Variants in MIS18BP1 observed in about 807,000 individuals in gnomAD.
The protein encoded by MIS18BP1 is mis18-binding protein 1.
MIS18BP1 carries 72 observed loss-of-function variants against 116.1 expected under a neutral mutation model. The ratio of observed to expected loss-of-function variants is 0.62; its 90% CI spans 0.51 to 0.75. MIS18BP1 has a LOEUF of 0.75. Ranked by LOEUF, MIS18BP1 falls within the 30% of genes least tolerant of loss-of-function variation. The pLI, the probability that MIS18BP1 is intolerant of heterozygous loss-of-function variation, is 0.00. For missense variants in MIS18BP1, 1,363 were observed against 1,303.2 expected, an observed-to-expected ratio of 1.05 and a Z score of -0.71; for synonymous variants, 386 against 427.0, an observed-to-expected ratio of 0.90 and a Z score of 1.18.
At chr14:45,220,891 T>C (rs1344649776) in intron 11 of MIS18BP1, among the ~76,000 whole-genome samples, 1 of 152,142 alleles carries the variant, frequency 6.6e-6, no homozygotes, top group East Asian at 1.9e-4. Context: ...TCCTAGCATT[T>C]TGGGAGGCCA....
chr14:45,249,317 C>A (rs369275676), intron 1 of MIS18BP1, among the ~76,000 whole-genome samples: 70 of 152,202 alleles, frequency 4.6e-4, no homozygotes, highest in African/African-American at 1.5e-3. Flanking sequence ...GTCTCCTGAC[C>A]TCAGGTGATC....
chr14:45,242,101 C>T lies in MIS18BP1; in HGVS notation c.1076G>A (p.Arg359Lys). Residue 359 changes from arginine (R) to lysine (K), a missense_variant, in exon 4 of 17, where the codon AGA becomes AAA. By Grantham distance (26) the Arg-to-Lys change is conservative. Transcript: ENST00000310806. The part of the protein sequence containing the change: ...LHITIPRRSK[R>K]NISKLSPPRI... ...TGGAGGAGAAAGCTTTGAAATATTT[C>T]TTTTTGACCTCCGAGGTATTGTTAT... 1 of 1,613,704 alleles carries T rather than the reference C, an allele frequency of 6.2e-7. No homozygotes were observed. Among genetic ancestry groups the T allele is most frequent in the South Asian group, 1.1e-5 (1 of 90,996 alleles).
intron 14 of MIS18BP1, among the ~76,000 whole-genome samples, chr14:45,208,431 C>T (rs1890583729): frequency 6.8e-6 from 1 of 147,868 alleles, no homozygotes; most frequent in South Asian, 2.2e-4. Context: ...CTCCCGGGTT[C>T]AGGTGATTCT....
intron 11 of MIS18BP1, among the ~76,000 whole-genome samples, chr14:45,221,345 G>A (rs1471645982): frequency 6.6e-6 from 1 of 152,132 alleles, no homozygotes; most frequent in African/African-American, 2.4e-5. Flanking sequence ...GCTGAGGCAG[G>A]AGAATGGTGT....
intron 13 of MIS18BP1, among the ~76,000 whole-genome samples, chr14:45,215,031 G>A (rs1335290020): frequency 6.6e-6 from 1 of 152,210 alleles, no homozygotes; most frequent in East Asian, 1.9e-4. Flanking sequence ...GATTACAGGC[G>A]TGAGCCACCA....
intron 14 of MIS18BP1, chr14:45,210,157 G>C: frequency 2.7e-6 from 1 of 365,496 alleles, no homozygotes. Flanking sequence ...GATCCATTTC[G>C]AATTGATCCA....
rs139978957 is a variant in MIS18BP1, at chr14:45,210,349, G to T, written c.3152+31C>A. On this transcript the variant is annotated intron_variant, in intron 14 of 16. Coordinates refer to ENST00000310806, the MANE Select transcript of MIS18BP1 (RefSeq NM_018353.5). Reference sequence around the variant, plus strand: ...ATGTTCCTCACTACTCTGATGCAGAGAATTAACATATCATATGCATGAATA... The same window carrying T: ...ATGTTCCTCACTACTCTGATGCAGATAATTAACATATCATATGCATGAATA... 3.9e-4 allele frequency: 619 copies of T among 1,603,920 alleles called. 5 individuals carry two copies. In the East Asian group the frequency reaches 0.011, roughly 29 times the overall value.
chr14:45,251,620 A>T (rs991239680), intron 1 of MIS18BP1, among the ~76,000 whole-genome samples: 16 of 152,238 alleles, frequency 1.1e-4, no homozygotes, highest in African/African-American at 2.9e-4. Flanking sequence ...TAACAGGCAA[A>T]TGATACACTT....
At chr14:45,245,642 G>T (rs1891703412) in intron 2 of MIS18BP1, among the ~76,000 whole-genome samples, 1 of 152,090 alleles carries the variant, frequency 6.6e-6, no homozygotes, top group South Asian at 2.1e-4. Context: ...GGGATTATGG[G>T]CATGAGCCAC....
intron 13 of MIS18BP1, among the ~76,000 whole-genome samples, chr14:45,214,293 C>T (rs535733375): frequency 5.9e-5 from 9 of 152,278 alleles, no homozygotes; most frequent in African/African-American, 1.4e-4. Flanking sequence ...AGGAGAAAAC[C>T]GCCTTAAGGC....
intron 11 of MIS18BP1, among the ~76,000 whole-genome samples, chr14:45,219,444 C>A (rs750392709): frequency 8.6e-5 from 13 of 151,892 alleles, no homozygotes; most frequent in Non-Finnish European, 1.8e-4. Context: ...TGATAGCACA[C>A]AATTACATAG....
At chr14:45,243,429 A>G (rs922728471) in intron 2 of MIS18BP1, among the ~76,000 whole-genome samples, 1 of 152,154 alleles carries the variant, frequency 6.6e-6, no homozygotes, top group Non-Finnish European at 1.5e-5. Context: ...TCTCAACTAG[A>G]TAAATAAGGA....
chr14:45,219,557 T>C (rs1890916447), intron 11 of MIS18BP1, among the ~76,000 whole-genome samples: 2 of 152,234 alleles, frequency 1.3e-5, no homozygotes, highest in Non-Finnish European at 2.9e-5. Context: ...ATCTTTGTTT[T>C]AAATAATTTA....
chr14:45,239,347 G>A (rs553748267), intron 4 of MIS18BP1, among the ~76,000 whole-genome samples: 1 of 152,286 alleles, frequency 6.6e-6, no homozygotes, highest in African/African-American at 2.4e-5. Flanking sequence ...AAAGGCATTA[G>A]ATAAATGAGG....
At chr14:45,226,704 T>C in intron 10 of MIS18BP1, 39 bp downstream of exon 10, 2 of 1,301,800 alleles carry the variant, frequency 1.5e-6, no homozygotes, top group East Asian at 3.1e-5. Context: ...ACATAGTAGC[T>C]TTCTGCTTAT....
intron 4 of MIS18BP1, among the ~76,000 whole-genome samples, chr14:45,239,141 T>C (rs1015432053): frequency 1.3e-5 from 2 of 152,168 alleles, no homozygotes; most frequent in African/African-American, 2.4e-5. Context: ...TCATTCATTA[T>C]TCATTCAACA....
chr14:45,245,899 G>T (rs1024558349), intron 2 of MIS18BP1, among the ~76,000 whole-genome samples: 3 of 152,006 alleles, frequency 2.0e-5, no homozygotes, highest in African/African-American at 7.3e-5. Flanking sequence ...TTTAATAGAG[G>T]TTATCAAAAT....
intron 1 of MIS18BP1, among the ~76,000 whole-genome samples, chr14:45,248,145 C>T (rs764361153): frequency 6.8e-6 from 1 of 148,034 alleles, no homozygotes; most frequent in Non-Finnish European, 1.5e-5. Context: ...CTCACCACAA[C>T]CTCCGCCTCC....
intron 15 of MIS18BP1, among the ~76,000 whole-genome samples, chr14:45,205,372 A>C (rs1303567105): frequency 6.6e-6 from 1 of 152,162 alleles, no homozygotes; most frequent in Non-Finnish European, 1.5e-5. Context: ...GGGGGTTCCC[A>C]TAAGTTACCA....
Sources: allele counts gnomAD v4.1 joint callset (sites outside exome capture counted in the v4.1 genomes callset), GRCh38; gene constraint gnomAD v4.1.1; transcripts MANE v1.5; gene names NCBI Gene and HGNC (gene_info 2026-07-23, HGNC 2026-07-21).